Variants in PSMD13 observed in about 807,000 individuals in gnomAD.
PSMD13 encodes 26S proteasome non-ATPase regulatory subunit 13.
A neutral mutation model predicts 57.4 loss-of-function variants in PSMD13; 8 were observed. That is an observed-to-expected ratio of 0.14 (90% CI 0.08 to 0.25). PSMD13 has a LOEUF of 0.25. Ranked by LOEUF, PSMD13 falls within the 10% of genes least tolerant of loss-of-function variation. PSMD13 has a pLI of 1.00. For synonymous variants in PSMD13, 193 were observed against 168.2 expected (o/e 1.15, Z -1.14); for missense variants, 400 against 461.5 (o/e 0.87, Z 1.22).
chr11:241,915 CTG>C (rs10573492), intron 2 of PSMD13, among the ~76,000 whole-genome samples: 3,920 of 152,254 alleles, frequency 0.026, 155 homozygotes, highest in African/African-American at 0.084. Flanking sequence ...GCTTCCTAGT[CTG>C]TGTCCCTCAG....
rs1859463402 is a variant in PSMD13 at position 239,164 on chromosome 11, TAAG to T, written c.174+89_174+91del. The T allele has an allele frequency of 3.1e-5, 38 of 1,212,198 alleles. No homozygotes were observed. In the South Asian group the frequency reaches 4.1e-4, roughly 13 times the overall value. The allele number at this position is 1,212,198 out of a possible 1,614,324, so 75.1% of individuals were successfully genotyped here. On this transcript the variant is annotated intron_variant, in intron 2 of 12. Coordinates refer to ENST00000532097, the MANE Select transcript of PSMD13 (RefSeq NM_002817.4). The stretch of plus-strand genomic sequence containing the variant: ...ATAGGCTTTATGCTAATAATAATAA[TAAG>T]CTCCAATATTCAGCAGTCACTTTAC...
At chr11:249,197 CAT>C (rs1859718804) in intron 9 of PSMD13, 140 bp downstream of exon 9, 1 of 1,197,958 alleles carries the variant, frequency 8.3e-7, no homozygotes, top group Non-Finnish European at 1.2e-6. Context: ...TCCTTGCTCT[CAT>C]AGAGCAGAGA....
chr11:239,179 A>C (rs1859463650), intron 2 of PSMD13, 103 bp downstream of exon 2: 2 of 1,150,950 alleles, frequency 1.7e-6, no homozygotes, highest in African/African-American at 3.0e-5. Flanking sequence ...TCCAATATTC[A>C]GCAGTCACTT....
chr11:244,669 T>C lies in PSMD13; in HGVS notation c.310-6T>C, dbSNP rs368478707. ...AGGTTTCTTGTTTTTGTTTTTGATG[T>C]CTTAGGTGAAAAGTAGTGATGAGGC... On this transcript the variant is annotated splice_region_variant and splice_polypyrimidine_tract_variant and intron_variant, in intron 5 of 12. Transcript: ENST00000532097. 3 of 1,606,792 alleles carry C rather than the reference T, an allele frequency of 1.9e-6. No individual in the cohort carries two copies. The African/African-American group carries it at 4.0e-5, about 22-fold the overall frequency.
At chr11:248,387 G>A (rs1193167686) in intron 7 of PSMD13, among the ~76,000 whole-genome samples, 1 of 152,218 alleles carries the variant, frequency 6.6e-6, no homozygotes, top group Non-Finnish European at 1.5e-5. Context: ...AGGTGGTCAA[G>A]AGAACAATAG....
In PSMD13 at chr11:252,234, A is replaced by G; in HGVS notation, c.1036-271A>G. The G allele has an allele frequency of 1.9e-6, 1 of 514,024 alleles. No individual in the cohort carries two copies. Among genetic ancestry groups the G allele is most frequent in the Non-Finnish European group, 3.5e-6 (1 of 284,276 alleles). 31.8% of individuals were successfully genotyped at this position (514,024 alleles called of 1,614,324 possible). The stretch of plus-strand genomic sequence containing the variant: ...GTTCCTGGTTCTGTGATTTGAGCTC[A>G]CGTCGCTCTTACATTTGCTGGAAAT... On this transcript the variant is annotated intron_variant, in intron 12 of 12. Transcript: ENST00000532097. The surrounding 1 kb of genome is among the most constrained non-coding windows in gnomAD (Gnocchi z 4.1).
Position 244,850 on chromosome 11 carries a change from T to G in PSMD13, c.396+89T>G, listed in dbSNP as rs540824982. On this transcript the variant is annotated intron_variant, in intron 6 of 12. Transcript: ENST00000532097. ...ATAACCTATTTTTCTTCTTTACTGT[T>G]TATTTTAAAACATTTTTACATTACA... is the stretch of plus-strand genomic sequence containing the variant. The G allele has an allele frequency of 3.6e-5, 39 of 1,081,632 alleles. No homozygotes were observed. In the Middle Eastern group the frequency reaches 8.9e-4, roughly 25 times the overall value. The allele number at this position is 1,081,632 out of a possible 1,614,324, so 67.0% of individuals were successfully genotyped here.
intron 7 of PSMD13, 129 bp downstream of exon 7, chr11:247,577 A>G (rs994902106): frequency 1.2e-5 from 12 of 1,035,300 alleles, no homozygotes; most frequent in Non-Finnish European, 1.4e-5. Context: ...CACGCCTGTA[A>G]TCCCAGCACT....
intron 9 of PSMD13, among the ~76,000 whole-genome samples, chr11:250,065 G>A (rs1007974830): frequency 6.6e-6 from 1 of 152,072 alleles, no homozygotes; most frequent in African/African-American, 2.4e-5. Flanking sequence ...GATGCATGTT[G>A]GCAGCATCTA....
Position 244,144 on chromosome 11 carries a change from G to C in PSMD13, c.210-17G>C. The C allele has an allele frequency of 6.2e-7, 1 of 1,607,618 alleles. No individual in the cohort carries two copies. Among genetic ancestry groups the C allele is most frequent in the Non-Finnish European group, 8.5e-7 (1 of 1,174,950 alleles). On this transcript the variant is annotated splice_polypyrimidine_tract_variant and intron_variant, in intron 3 of 12. Transcript: ENST00000532097. Reference sequence around the variant, plus strand: ...TGATGCTCGGCGGTGCTCAAAGGCTGGTGGCTTTTATTTCAGGGTGAACCC... The same window carrying C: ...TGATGCTCGGCGGTGCTCAAAGGCTCGTGGCTTTTATTTCAGGGTGAACCC...
intron 10 of PSMD13, 40 bp downstream of exon 10, chr11:250,905 G>T: frequency 6.3e-7 from 1 of 1,598,366 alleles, no homozygotes. Flanking sequence ...TGTGGTTTCA[G>T]ATTTTGGTCA....
intron 2 of PSMD13, among the ~76,000 whole-genome samples, chr11:240,506 A>G (rs757688710): frequency 3.9e-5 from 6 of 152,310 alleles, no homozygotes; most frequent in Middle Eastern, 3.4e-3. Flanking sequence ...TCTTATCTTT[A>G]AATCACTTTT....
In PSMD13 at chr11:251,217, A is replaced by C; in HGVS notation, c.838-329A>C. 2.3e-6 allele frequency: 1 copy of C among 436,924 alleles called. No homozygotes were observed. Among genetic ancestry groups the C allele is most frequent in the South Asian group, 2.8e-5 (1 of 35,852 alleles). 27.1% of individuals were successfully genotyped at this position (436,924 alleles called of 1,614,324 possible). A position where few individuals can be genotyped will look rare whatever the true frequency, so the allele number is the denominator to read the frequency against. ...CATCTGTCTTTCCCCACTAGAACTT[A>C]AGCTTCGTCAGGAAGTGGCCCTTAG... is the stretch of plus-strand genomic sequence containing the variant. On this transcript the variant is annotated intron_variant, in intron 10 of 12. Coordinates refer to ENST00000532097, the MANE Select transcript of PSMD13 (RefSeq NM_002817.4). The surrounding 1 kb of genome is among the most constrained non-coding windows in gnomAD (Gnocchi z 4.6).
rs1314950515 is a variant in PSMD13 at position 251,485 on chromosome 11, T to G, written c.838-61T>G. The G allele has an allele frequency of 7.1e-7, 1 of 1,398,798 alleles. No individual in the cohort carries two copies. Among genetic ancestry groups the G allele is most frequent in the African/African-American group, 1.4e-5 (1 of 69,092 alleles). The allele number at this position is 1,398,798 out of a possible 1,614,324, so 86.6% of individuals were successfully genotyped here. ...AGAGCCAATATTGACAAAACATCCT[T>G]ATCAGTTCTCTATTTTTATTTGGAA... is the stretch of plus-strand genomic sequence containing the variant. On this transcript the variant is annotated intron_variant, in intron 10 of 12. Coordinates refer to ENST00000532097, the MANE Select transcript of PSMD13 (RefSeq NM_002817.4). The surrounding 1 kb of genome is among the most constrained non-coding windows in gnomAD (Gnocchi z 4.6).
intron 6 of PSMD13, among the ~76,000 whole-genome samples, chr11:245,277 T>C (rs1859607411): frequency 6.6e-6 from 1 of 152,200 alleles, no homozygotes; most frequent in Admixed American, 6.5e-5. Context: ...CTTTTGCCTT[T>C]GTGTGTGTCT....
At chr11:243,685 A>G (rs960423955) in intron 2 of PSMD13, among the ~76,000 whole-genome samples, 5 of 152,208 alleles carry the variant, frequency 3.3e-5, no homozygotes, top group Middle Eastern at 3.2e-3. Flanking sequence ...AGCCACAGGG[A>G]GAGAACTGAG....
intron 2 of PSMD13, among the ~76,000 whole-genome samples, chr11:241,552 C>T (rs1458273572): frequency 6.6e-6 from 1 of 152,164 alleles, no homozygotes; most frequent in Non-Finnish European, 1.5e-5. Flanking sequence ...TACAGGCTCT[C>T]CTAATCCAAA....
At chr11:244,803 A>G (rs1470433550) in intron 6 of PSMD13, 42 bp downstream of exon 6, 2 of 1,409,966 alleles carry the variant, frequency 1.4e-6, no homozygotes, top group Non-Finnish European at 2.0e-6. Flanking sequence ...GTTTAAAATT[A>G]TTTAAAACCC....
In PSMD13 at chr11:237,118, C is replaced by T; in HGVS notation, c.69C>T (p.His23=). ...NSGPGQPAVW[H]RLEELYTKKL... ...GGCCCGGGCAGCCCGCTGTGTGGCA[C>T]CGTCTGGAGGAGCTCTACACGAAGA... The change falls in exon 1 of 13, where the codon CAC becomes CAT. Residue 23 remains histidine, a synonymous_variant. Transcript: ENST00000532097. The T allele has an allele frequency of 6.2e-7, 1 of 1,612,232 alleles. No homozygotes were observed. The highest frequency in any genetic ancestry group is 8.5e-7 in the Non-Finnish European group (1 of 1,179,266).
Sources: allele counts gnomAD v4.1 joint callset (sites outside exome capture counted in the v4.1 genomes callset), GRCh38; gene constraint gnomAD v4.1.1; non-coding constraint Gnocchi (gnomAD v3.1); transcripts MANE v1.5; gene names NCBI Gene and HGNC (gene_info 2026-07-23, HGNC 2026-07-21).